The following ITGA1 variants were observed in gnomAD, a reference collection of about 807,000 sequenced individuals.
ITGA1 encodes integrin alpha-1.
In ITGA1, 85 loss-of-function variants were observed where a neutral mutation model predicts 145.9. The observed-to-expected ratio is 0.58, with a 90% CI of 0.49 to 0.70. The LOEUF (loss-of-function observed/expected upper bound fraction) is 0.70, where lower values mean the gene tolerates loss of function less well. Ranked by LOEUF, ITGA1 falls within the 30% of genes least tolerant of loss-of-function variation. The pLI, the probability that ITGA1 is intolerant of heterozygous loss-of-function variation, is 0.00. For missense variants in ITGA1, 1,351 were observed against 1,418.7 expected (o/e 0.95, Z 0.77); for synonymous variants, 520 against 495.3 (o/e 1.05, Z -0.66).
intron 1 of ITGA1, among the ~76,000 whole-genome samples, chr5:52,844,559 A>C (rs139511421): frequency 6.6e-6 from 1 of 152,278 alleles, no homozygotes; most frequent in East Asian, 1.9e-4. Flanking sequence ...TTTCAGAATG[A>C]TGATAGTAAT....
chr5:52,933,324 C>A (rs991294001), intron 22 of ITGA1: 1 of 152,006 alleles, frequency 6.6e-6, no homozygotes, highest in Admixed American at 6.6e-5. Context: ...GGTGCACTGA[C>A]TTTTCCCCAA....
At chr5:52,852,167 T>C (rs1295962445) in intron 2 of ITGA1, among the ~76,000 whole-genome samples, 5 of 152,108 alleles carry the variant, frequency 3.3e-5, no homozygotes, top group Non-Finnish European at 7.4e-5. Context: ...GTGAGTGTGT[T>C]GGTAAGTAAA....
At chr5:52,879,231 T>C (rs1404683099) in intron 6 of ITGA1, among the ~76,000 whole-genome samples, 2 of 152,026 alleles carry the variant, frequency 1.3e-5, no homozygotes, top group African/African-American at 4.8e-5. Flanking sequence ...ATTAATAGAT[T>C]ATTAAGTAGA....
At chr5:52,939,803 C>A in intron 25 of ITGA1, 37 bp from the exon 26 acceptor site, 1 of 1,461,930 alleles carries the variant, frequency 6.8e-7, no homozygotes, top group Non-Finnish European at 9.6e-7. Flanking sequence ...GATAAAACGG[C>A]AAGAATACTG....
In ITGA1 at chr5:52,795,519, GA is replaced by G. The variant is rs1192748914; in HGVS notation, c.61+7108del. ...CATTTCTTTTATATTATTATAATAG[GA>G]AAGATAGTAATTCAACTCACCAATG... On this transcript the variant is annotated intron_variant, in intron 1 of 28. Coordinates refer to ENST00000282588, the MANE Select transcript of ITGA1 (RefSeq NM_181501.2). Among the ~76,000 whole-genome samples the G allele has an allele frequency of 7.2e-5, 11 of 151,850 alleles. No homozygotes were observed. The East Asian group carries it at 1.2e-3, about 16-fold the overall frequency.
intron 6 of ITGA1, among the ~76,000 whole-genome samples, chr5:52,873,362 A>G (rs576916769): frequency 2.6e-5 from 4 of 152,174 alleles, no homozygotes; most frequent in Admixed American, 1.3e-4. Flanking sequence ...AACCTCTCCT[A>G]TCTTTGCATT....
In ITGA1 at chr5:52,864,960, A is replaced by T. The variant is rs1415688454; in HGVS notation, c.385-11A>T. On this transcript the variant is annotated splice_polypyrimidine_tract_variant and intron_variant, in intron 4 of 28. Transcript: ENST00000282588. ...TCTAATGATTTCTAATTTTAAAACA[A>T]TTTTTTAAAGGCTTGTGGGCCCTTA... 1.9e-6 allele frequency: 3 copies of T among 1,596,906 alleles called. No homozygotes were observed. The highest frequency in any genetic ancestry group is 2.7e-5 in the African/African-American group (2 of 73,766).
Position 52,887,923 on chromosome 5 carries a change from C to T in ITGA1, c.882C>T (p.Ile294=), listed in dbSNP as rs754946228. The T allele has an allele frequency of 3.7e-6, 6 of 1,613,698 alleles. No homozygotes were observed. The South Asian group carries it at 6.6e-5, about 18-fold the overall frequency. ...ACAATCATCGACTGAAGAAGGTCAT[C>T]CAAGACTGTGAAGATGAAAACATTC... ...SHDNHRLKKV[I]QDCEDENIQR... Residue 294 remains isoleucine, a synonymous_variant, in exon 8 of 29, where the codon ATC becomes ATT. Transcript: ENST00000282588.
In ITGA1 at chr5:52,887,929, CTG is replaced by C. The variant is rs1750080431; in HGVS notation, c.891_892del (p.Cys297Ter). 2 of 1,613,772 alleles carry C rather than the reference CTG, an allele frequency of 1.2e-6. No homozygotes were observed. Among genetic ancestry groups the C allele is most frequent in the East Asian group, 2.2e-5 (1 of 44,872 alleles). Reference protein sequence around the residue: ...NHRLKKVIQDCEDENIQRFSI... With the variant: ...NHRLKKVIQDXEDENIQRFSI... ...ATCGACTGAAGAAGGTCATCCAAGA[CTG>C]TGAAGATGAAAACATTCAACGGTTT... On this transcript the variant is annotated frameshift_variant, in exon 8 of 29. Transcript: ENST00000282588. LOFTEE classifies it high-confidence loss of function.
In ITGA1 at chr5:52,920,360, A is replaced by G. The variant is rs2111871786; in HGVS notation, c.2184A>G (p.Ser728=). 2 of 1,608,408 alleles carry G rather than the reference A, an allele frequency of 1.2e-6. No individual in the cohort carries two copies. The highest frequency in any genetic ancestry group is 2.2e-5 in the East Asian group (1 of 44,512). The part of the protein sequence containing the change: ...ADLQYRVTLD[S]LRQISRSFFS... ...TGCAGTACCGTGTCACCCTAGATTC[A>G]CTAAGACAAATATCACGAAGTTTTT... is the stretch of plus-strand genomic sequence containing the variant. The change falls in exon 17 of 29, where the codon TCA becomes TCG. Residue 728 remains serine (S), a synonymous_variant. Coordinates refer to ENST00000282588, the MANE Select transcript of ITGA1 (RefSeq NM_181501.2).
At chr5:52,866,441 A>G (rs1200951554) in intron 6 of ITGA1, among the ~76,000 whole-genome samples, 3 of 152,222 alleles carry the variant, frequency 2.0e-5, no homozygotes, top group Admixed American at 6.5e-5. Flanking sequence ...GGATATAGCC[A>G]CTTTTGGTAA....
At chr5:52,840,143 A>G (rs1363194032) in intron 1 of ITGA1, among the ~76,000 whole-genome samples, 2 of 152,216 alleles carry the variant, frequency 1.3e-5, no homozygotes, top group Non-Finnish European at 2.9e-5. Context: ...ATAACTGGCA[A>G]TATCTTACTG....
At position 52,801,655 on chromosome 5, in the gene ITGA1, A is replaced by C. The variant is rs759584138; in HGVS notation, c.61+13241A>C. 1.1e-5 allele frequency: 18 copies of C among 1,614,172 alleles called. No individual in the cohort carries two copies. In the South Asian group the frequency reaches 1.9e-4, roughly 17 times the overall value. On this transcript the variant is annotated intron_variant, in intron 1 of 28. Coordinates refer to ENST00000282588, the MANE Select transcript of ITGA1 (RefSeq NM_181501.2). ...GCTCTTCAGGCATCAGGATGTAGCC[A>C]CACGGAGCCGGTATGTGAGGCTGGT...
intron 8 of ITGA1, chr5:52,889,698 G>A (rs963434564): frequency 6.6e-6 from 1 of 152,418 alleles, no homozygotes; most frequent in African/African-American, 2.4e-5. Flanking sequence ...CCAGGCCACA[G>A]TGCAGAACCA....
At chr5:52,909,609 A>C (rs975234663) in intron 13 of ITGA1, among the ~76,000 whole-genome samples, 1 of 152,180 alleles carries the variant, frequency 6.6e-6, no homozygotes, top group African/African-American at 2.4e-5. Context: ...CCAAATATGT[A>C]CATTCTCTCC....
At chr5:52,845,761 T>G (rs938537916) in intron 1 of ITGA1, among the ~76,000 whole-genome samples, 1 of 152,204 alleles carries the variant, frequency 6.6e-6, no homozygotes, top group African/African-American at 2.4e-5. Flanking sequence ...AAGAATTTTC[T>G]GACCCAAATG....
At chr5:52,923,360 G>C (rs1034145022) in intron 18 of ITGA1, among the ~76,000 whole-genome samples, 3 of 151,900 alleles carry the variant, frequency 2.0e-5, no homozygotes, top group African/African-American at 7.3e-5. Flanking sequence ...ATTGGCAAAG[G>C]GTCCTGAAGC....
At chr5:52,858,604 G>A (rs1396616807) in intron 2 of ITGA1, among the ~76,000 whole-genome samples, 1 of 151,988 alleles carries the variant, frequency 6.6e-6, no homozygotes. Flanking sequence ...AAAATCGTAG[G>A]CTCATTTTTT....
chr5:52,907,042 T>C (rs575288100), intron 12 of ITGA1, among the ~76,000 whole-genome samples: 1 of 152,328 alleles, frequency 6.6e-6, no homozygotes, highest in South Asian at 2.1e-4. Flanking sequence ...GTACTTATAA[T>C]TCATTTATAG....
Sources: allele counts gnomAD v4.1 joint callset (sites outside exome capture counted in the v4.1 genomes callset), GRCh38; gene constraint gnomAD v4.1.1; transcripts MANE v1.5; gene names NCBI Gene and HGNC (gene_info 2026-07-23, HGNC 2026-07-21).